MOG: variants seen among roughly 807,000 people sequenced by gnomAD.
The protein encoded by MOG is myelin oligodendrocyte glycoprotein, also known as myelin-oligodendrocyte glycoprotein.
A neutral mutation model predicts 35.9 loss-of-function variants in MOG; 20 were observed. The observed-to-expected ratio is 0.56, with a 90% CI of 0.39 to 0.81. MOG has a LOEUF of 0.81. Ranked by LOEUF, MOG falls within the 30% of genes least tolerant of loss-of-function variation. The pLI is 0.00. For missense variants in MOG, 251 were observed against 301.0 expected, an observed-to-expected ratio of 0.83 and a Z score of 1.23; for synonymous variants, 92 against 114.3, an observed-to-expected ratio of 0.80 and a Z score of 1.25.
chr6:29,670,005 A>AT lies in MOG; in HGVS notation c.593-275dup. 1 of 690,614 alleles carries AT rather than the reference A, an allele frequency of 1.4e-6. No individual in the cohort carries two copies. The highest frequency in any genetic ancestry group is 2.6e-6 in the Non-Finnish European group (1 of 379,038). The allele number at this position is 690,614 out of a possible 1,614,324, so 42.8% of individuals were successfully genotyped here. A position where few individuals can be genotyped will look rare whatever the true frequency, so the allele number is the denominator to read the frequency against. ...TGGCTGGTCTTGAACTCTTGGCCTC[A>AT]TGATCCACCCGTCTCGGACTCCCAG... On this transcript the variant is annotated intron_variant, in intron 5 of 7. Transcript: ENST00000376917. The surrounding 1 kb of genome is among the most constrained non-coding windows in gnomAD (Gnocchi z 4.2).
intron 2 of MOG, chr6:29,664,021 C>A: frequency 2.3e-6 from 1 of 436,338 alleles, no homozygotes; most frequent in Non-Finnish European, 3.0e-6. Context: ...CAGCATGGCA[C>A]ATGGAGATTA....
chr6:29,670,676 C>T lies in MOG; in HGVS notation c.710-25C>T. 5.0e-6 allele frequency: 8 copies of T among 1,611,836 alleles called. No individual in the cohort carries two copies. The highest frequency in any genetic ancestry group is 6.8e-6 in the Non-Finnish European group (8 of 1,179,422). ...GGTGCTATTCATCTTCCACTAATCA[C>T]ATATTTGTTTCTTTTTGTTTTCAGG... On this transcript the variant is annotated intron_variant, in intron 6 of 7. Coordinates refer to ENST00000376917, the MANE Select transcript of MOG (RefSeq NM_206809.4). The surrounding 1 kb of genome is among the most constrained non-coding windows in gnomAD (Gnocchi z 4.2).
intron 1 of MOG, among the ~76,000 whole-genome samples, chr6:29,658,509 C>A (rs771333082): frequency 6.6e-6 from 1 of 152,138 alleles, no homozygotes; most frequent in Non-Finnish European, 1.5e-5. Flanking sequence ...AAGGTATGAA[C>A]AAGGACTGAA....
At chr6:29,657,781 T>A (rs1394811774) in intron 1 of MOG, among the ~76,000 whole-genome samples, 4 of 151,674 alleles carry the variant, frequency 2.6e-5, no homozygotes, top group Non-Finnish European at 5.9e-5. Flanking sequence ...AGTACTGGGA[T>A]TATGGGCGTG....
At position 29,659,459 on chromosome 6, in the gene MOG, G is replaced by T. The variant is rs760187934; in HGVS notation, c.229G>T (p.Val77Phe). The T allele has an allele frequency of 3.1e-6, 5 of 1,613,074 alleles. No individual in the cohort carries two copies. Among genetic ancestry groups the T allele is most frequent in the Non-Finnish European group, 4.2e-6 (5 of 1,180,044 alleles). Residue 77 changes from valine to phenylalanine, a missense_variant, in exon 2 of 8, where the codon GTT becomes TTT. Coordinates refer to ENST00000376917, the MANE Select transcript of MOG (RefSeq NM_206809.4). ...GTACCGCCCCCCCTTCTCTAGGGTG[G>T]TTCATCTCTACAGAAATGGCAAGGA... The part of the protein sequence containing the change: ...GWYRPPFSRV[V>F]HLYRNGKDQD...
chr6:29,670,043 A>C lies in MOG; in HGVS notation c.593-238A>C. 1.3e-6 allele frequency: 1 copy of C among 757,030 alleles called. No individual in the cohort carries two copies. The highest frequency in any genetic ancestry group is 2.0e-5 in the Admixed American group (1 of 49,924). 46.9% of individuals were successfully genotyped at this position (757,030 alleles called of 1,614,324 possible). A position where few individuals can be genotyped will look rare whatever the true frequency, so the allele number is the denominator to read the frequency against. ...CTCGGACTCCCAGAGTGTTGGGATT[A>C]CAGGCATGAGCCACCACACCTGGCA... On this transcript the variant is annotated intron_variant, in intron 5 of 7. Coordinates refer to ENST00000376917, the MANE Select transcript of MOG (RefSeq NM_206809.4). This position sits in a 1 kb window ranked among gnomAD's most constrained non-coding sequence, Gnocchi z 4.2.
In MOG at chr6:29,670,872, G is replaced by A. The variant is rs760012950; in HGVS notation, c.730+151G>A. The A allele has an allele frequency of 6.9e-6, 11 of 1,584,728 alleles. No homozygotes were observed. In the Admixed American group the frequency reaches 1.1e-4, roughly 16 times the overall value. On this transcript the variant is annotated intron_variant, in intron 7 of 7. Transcript: ENST00000376917. The surrounding 1 kb of genome is among the most constrained non-coding windows in gnomAD (Gnocchi z 4.2). ...CTGGGTGGAGGGAAGACTCCTCCTGGGAGGTAGAGGGCAAAGAAGCCAGCT... is the reference window on the plus strand; with the variant it reads ...CTGGGTGGAGGGAAGACTCCTCCTGAGAGGTAGAGGGCAAAGAAGCCAGCT...
At chr6:29,661,672 T>C in intron 2 of MOG, 1 of 813,986 alleles carries the variant, frequency 1.2e-6, no homozygotes, top group Non-Finnish European at 1.5e-6. Flanking sequence ...AACACAAAAT[T>C]AGCCTGGCGT....
chr6:29,659,327 A>G lies in MOG; in HGVS notation c.97A>G (p.Arg33Gly), dbSNP rs1186928850. Residue 33 changes from arginine to glycine, a missense_variant, in exon 2 of 8, where the codon AGA (arginine) becomes GGA (glycine). Transcript: ENST00000376917. ...TTTGGTGTCTTGGACAGGGCAGTTC[A>G]GAGTGATAGGACCAAGACACCCTAT... is the stretch of plus-strand genomic sequence containing the variant. ...QVSSSYAGQF[R>G]VIGPRHPIRA... 1 of 1,612,958 alleles carries G rather than the reference A, an allele frequency of 6.2e-7. No homozygotes were observed. Among genetic ancestry groups the G allele is most frequent in the South Asian group, 1.1e-5 (1 of 91,074 alleles).
chr6:29,666,943 G>T (rs935956027), intron 3 of MOG, among the ~76,000 whole-genome samples: 1 of 152,144 alleles, frequency 6.6e-6, no homozygotes, highest in South Asian at 2.1e-4. Context: ...AATGTTCTGG[G>T]GGAATGGGTG....
chr6:29,661,380 A>T, intron 2 of MOG: 2 of 985,410 alleles, frequency 2.0e-6, no homozygotes, highest in Non-Finnish European at 2.4e-6. Flanking sequence ...TTCTTCATAC[A>T]GCTGTTTTTA....
intron 2 of MOG, among the ~76,000 whole-genome samples, chr6:29,660,222 A>G (rs1768217011): frequency 1.3e-5 from 2 of 151,964 alleles, no homozygotes; most frequent in African/African-American, 4.8e-5. Flanking sequence ...AACAAAAACA[A>G]AAACAAAAAA....
chr6:29,663,107 C>A (rs3117287), intron 2 of MOG, among the ~76,000 whole-genome samples: 10,897 of 151,914 alleles, frequency 0.072, 730 homozygotes, highest in African/African-American at 0.17. Context: ...ATTTCTACTA[C>A]AAATACAAAA....
In MOG at chr6:29,670,790, G is replaced by A. The variant is rs1771315063; in HGVS notation, c.730+69G>A. 3 of 1,597,604 alleles carry A rather than the reference G, an allele frequency of 1.9e-6. No homozygotes were observed. Among genetic ancestry groups the A allele is most frequent in the African/African-American group, 1.3e-5 (1 of 74,860 alleles). The stretch of plus-strand genomic sequence containing the variant: ...GGAAAGGGAGACAGAAGCAACAAGA[G>A]GAAGAGGCGGGCTATTGAGGGATCA... On this transcript the variant is annotated intron_variant, in intron 7 of 7. Coordinates refer to ENST00000376917, the MANE Select transcript of MOG (RefSeq NM_206809.4). The surrounding 1 kb of genome is among the most constrained non-coding windows in gnomAD (Gnocchi z 4.2).
rs1562216065 is a variant in MOG, at chr6:29,672,173, A to G, written c.*988A>G. 1.3e-5 allele frequency: 2 copies of G among 154,578 alleles called. No homozygotes were observed. Among genetic ancestry groups the G allele is most frequent in the Non-Finnish European group, 1.4e-5 (1 of 70,180 alleles). 9.6% of individuals were successfully genotyped at this position (154,578 alleles called of 1,614,324 possible). A position where few individuals can be genotyped will look rare whatever the true frequency, so the allele number is the denominator to read the frequency against. On this transcript the variant is annotated 3_prime_UTR_variant, in exon 8 of 8. Transcript: ENST00000376917. ...CATAGTGGTGGGCACCTATAATACCAGCTACTCCGGAGGCTGAGGCAGGAG... is the reference window on the plus strand; with the variant it reads ...CATAGTGGTGGGCACCTATAATACCGGCTACTCCGGAGGCTGAGGCAGGAG...
Position 29,661,001 on chromosome 6 carries a change from G to A in MOG, c.436+1335G>A, listed in dbSNP as rs554587619. On this transcript the variant is annotated intron_variant, in intron 2 of 7. Transcript: ENST00000376917. ...TGGGATTACAGGCATGAGCCATGGT[G>A]CCCGGCCTCAGAATTTCATTTTCAA... Among the ~76,000 whole-genome samples the A allele has an allele frequency of 4.6e-4, 70 of 152,242 alleles. 1 individual carries two copies. The East Asian group carries it at 0.013, about 29-fold the overall frequency.
Position 29,670,440 on chromosome 6 carries a change from G to C in MOG, c.709+43G>C. ...CAGGCAAGACCACCAAATAGTGGGG[G>C]ACCAAGTCAGCTCTGAATGGGAAGC... On this transcript the variant is annotated intron_variant, in intron 6 of 7. Transcript: ENST00000376917. This position sits in a 1 kb window ranked among gnomAD's most constrained non-coding sequence, Gnocchi z 4.2. The C allele has an allele frequency of 6.3e-7, 1 of 1,586,884 alleles. No individual in the cohort carries two copies. The highest frequency in any genetic ancestry group is 8.6e-7 in the Non-Finnish European group (1 of 1,156,100).
At position 29,670,990 on chromosome 6, in the gene MOG, C is replaced by T. The variant is rs1247464745; in HGVS notation, c.731-182C>T. 6.2e-7 allele frequency: 1 copy of T among 1,612,126 alleles called. No individual in the cohort carries two copies. On this transcript the variant is annotated intron_variant, in intron 7 of 7. Coordinates refer to ENST00000376917, the MANE Select transcript of MOG (RefSeq NM_206809.4). The surrounding 1 kb of genome is among the most constrained non-coding windows in gnomAD (Gnocchi z 4.2). The stretch of plus-strand genomic sequence containing the variant: ...CCTTCACTGCCCCTAAGCAGGAATC[C>T]AACCCTAGCTGGTCTCATTGCCCAT...
Position 29,657,253 on chromosome 6 carries a change from C to T in MOG, c.44C>T (p.Ser15Phe). ...SRPSLPSCLCSFLLLLLLQVS... is the reference protein window; with the variant it reads ...SRPSLPSCLCFFLLLLLLQVS... Reference sequence around the variant, plus strand: ...CCCTCTCTGCCCAGCTGCCTCTGCTCCTTCCTCCTCCTCCTCCTCCTCCAA... The same window carrying T: ...CCCTCTCTGCCCAGCTGCCTCTGCTTCTTCCTCCTCCTCCTCCTCCTCCAA... Residue 15 changes from serine to phenylalanine, a missense_variant, in exon 1 of 8, where the codon TCC becomes TTC. Transcript: ENST00000376917. 3.1e-6 allele frequency: 5 copies of T among 1,606,974 alleles called. No individual in the cohort carries two copies. The highest frequency in any genetic ancestry group is 4.2e-6 in the Non-Finnish European group (5 of 1,177,918).
Sources: allele counts gnomAD v4.1 joint callset (sites outside exome capture counted in the v4.1 genomes callset), GRCh38; gene constraint gnomAD v4.1.1; non-coding constraint Gnocchi (gnomAD v3.1); transcripts MANE v1.5; gene names NCBI Gene and HGNC (gene_info 2026-07-23, HGNC 2026-07-21).